GATAD2B: variants seen among roughly 807,000 people sequenced by gnomAD.
GATAD2B encodes the protein GATA zinc finger domain containing 2B.
A neutral mutation model predicts 64.3 loss-of-function variants in GATAD2B; 8 were observed. The ratio of observed to expected loss-of-function variants is 0.12; its 90% CI spans 0.07 to 0.22. The LOEUF is 0.22. Ranked by LOEUF, GATAD2B falls within the 10% of genes least tolerant of loss-of-function variation. The pLI is 1.00. For synonymous variants in GATAD2B, 281 were observed against 271.3 expected (o/e 1.04, Z -0.35); for missense variants, 453 against 752.0 (o/e 0.60, Z 4.65).
chr1:153,852,440 G>T, intron 1 of GATAD2B: 1 of 762,244 alleles, frequency 1.3e-6, no homozygotes, highest in Non-Finnish European at 2.4e-6. Context: ...CGTGGCATGT[G>T]GTCTGGAGCT....
At chr1:153,845,067 A>AT (rs1675635995) in intron 1 of GATAD2B, among the ~76,000 whole-genome samples, 1 of 152,218 alleles carries the variant, frequency 6.6e-6, no homozygotes, top group Admixed American at 6.5e-5. Context: ...ACTGCATTCC[A>AT]TATTTTCAAA....
chr1:153,905,665 C>G (rs908714670), intron 1 of GATAD2B, among the ~76,000 whole-genome samples: 2 of 150,972 alleles, frequency 1.3e-5, no homozygotes, highest in Non-Finnish European at 2.9e-5. Flanking sequence ...GGCATAGTGG[C>G]ACCTGCCTGT....
At chr1:153,873,299 A>C (rs1676725468) in intron 1 of GATAD2B, among the ~76,000 whole-genome samples, 1 of 152,136 alleles carries the variant, frequency 6.6e-6, no homozygotes, top group Non-Finnish European at 1.5e-5. Flanking sequence ...AAACTACTTG[A>C]CAGCAAATCT....
At chr1:153,893,954 C>T (rs1304137168) in intron 1 of GATAD2B, among the ~76,000 whole-genome samples, 1 of 37,448 alleles carries the variant, frequency 2.7e-5, no homozygotes, top group Non-Finnish European at 5.7e-5. Context: ...AAGACTCCAT[C>T]TAAAAAAAAA....
At chr1:153,844,795 G>A (rs1675623528) in intron 1 of GATAD2B, among the ~76,000 whole-genome samples, 1 of 149,590 alleles carries the variant, frequency 6.7e-6, no homozygotes, top group Non-Finnish European at 1.5e-5. Context: ...ATAGCATTGG[G>A]AGATATACCT....
intron 1 of GATAD2B, chr1:153,853,441 AC>A: frequency 1.7e-6 from 1 of 596,030 alleles, no homozygotes; most frequent in Non-Finnish European, 3.0e-6. Context: ...AAATCAACGG[AC>A]GGCAGTGAAG....
intron 1 of GATAD2B, among the ~76,000 whole-genome samples, chr1:153,881,848 C>T (rs1363800554): frequency 1.3e-5 from 2 of 151,730 alleles, no homozygotes; most frequent in Non-Finnish European, 2.9e-5. Context: ...TCTGTTCTAT[C>T]GTCTCTTTTC....
intron 1 of GATAD2B, among the ~76,000 whole-genome samples, chr1:153,876,227 C>CAAAAAAAAAAAAAAAAAAAAAAAAAA (rs71093296): frequency 4.1e-5 from 2 of 48,430 alleles, no homozygotes; most frequent in African/African-American, 8.1e-5. Flanking sequence ...GACTTCGTCT[C>CAAAAAAAAAAAAAAAAAAAAAAAAAA]AAAAAAAAAA....
chr1:153,830,945 A>G (rs1045930809), intron 1 of GATAD2B, among the ~76,000 whole-genome samples: 2 of 151,876 alleles, frequency 1.3e-5, no homozygotes, highest in Non-Finnish European at 2.9e-5. Context: ...CTAATTTTTT[A>G]GTTTTTTGTA....
chr1:153,897,610 C>T (rs1677634806), intron 1 of GATAD2B, among the ~76,000 whole-genome samples: 1 of 152,108 alleles, frequency 6.6e-6, no homozygotes, highest in Admixed American at 6.6e-5. Flanking sequence ...AAAGTCAAAA[C>T]TACATTATAT....
At chr1:153,917,448 G>A (rs1251755435) in intron 1 of GATAD2B, among the ~76,000 whole-genome samples, 2 of 149,208 alleles carry the variant, frequency 1.3e-5, no homozygotes, top group Admixed American at 6.8e-5. Context: ...AGGCTGGAGT[G>A]CAATGGTGCA....
chr1:153,824,880 T>TA (rs1177448623), intron 2 of GATAD2B, among the ~76,000 whole-genome samples: 2 of 152,074 alleles, frequency 1.3e-5, no homozygotes, highest in Non-Finnish European at 2.9e-5. Context: ...GTCCAGGAGT[T>TA]AGAGACCAGC....
chr1:153,847,978 T>C (rs1158337849), intron 1 of GATAD2B, among the ~76,000 whole-genome samples: 3 of 152,226 alleles, frequency 2.0e-5, no homozygotes, highest in African/African-American at 7.2e-5. Flanking sequence ...CAAACAAACA[T>C]ACTGATACCA....
rs770554041 is a variant in GATAD2B, at chr1:153,805,299, TCTC to T, written c.*4875_*4877del. On this transcript the variant is annotated 3_prime_UTR_variant, in exon 11 of 11. Transcript: ENST00000368655. ...GACAAAATGTGGGCTGTGTCTGCGCTCTCCTATTTTATCACCAAGATGGGGGAA... is the reference window on the plus strand; with the variant it reads ...GACAAAATGTGGGCTGTGTCTGCGCTCTATTTTATCACCAAGATGGGGGAA... The T allele has an allele frequency of 1.1e-4, 16 of 152,112 alleles. No homozygotes were observed. Among genetic ancestry groups the T allele is most frequent in the Non-Finnish European group, 2.1e-4 (14 of 68,028 alleles). The allele number at this position is 152,112 out of a possible 1,614,324, so 9.4% of individuals were successfully genotyped here.
At chr1:153,819,842 T>A in intron 2 of GATAD2B, 107 bp from the exon 3 acceptor site, 1 of 924,858 alleles carries the variant, frequency 1.1e-6, no homozygotes, top group Non-Finnish European at 1.6e-6. Flanking sequence ...CTCACTCCTG[T>A]AATCCTAGCA....
chr1:153,848,175 G>A (rs1675755214), intron 1 of GATAD2B, among the ~76,000 whole-genome samples: 1 of 152,092 alleles, frequency 6.6e-6, no homozygotes, highest in Non-Finnish European at 1.5e-5. Flanking sequence ...TCGTATTCCA[G>A]TCACTGCCCC....
chr1:153,817,673 G>A (rs913985725), intron 5 of GATAD2B, 131 bp from the exon 6 acceptor site: 11 of 601,218 alleles, frequency 1.8e-5, no homozygotes, highest in Non-Finnish European at 5.5e-6. Flanking sequence ...AGCCAGACTT[G>A]GTAATTTCAT....
chr1:153,868,548 T>C lies in GATAD2B; in HGVS notation c.-1-40200A>G, dbSNP rs148975440. 2.3e-3 allele frequency among the ~76,000 whole-genome samples: 353 copies of C among 152,234 alleles called. 5 individuals are homozygous for C. The highest frequency in any genetic ancestry group is 0.011 in the South Asian group (55 of 4,814). ...AAATTTAAAGTCTTTAATAAACTTA[T>C]GTTTTAAAACTAAGTTCTGAAATAA... is the stretch of plus-strand genomic sequence containing the variant. On this transcript the variant is annotated intron_variant, in intron 1 of 10. Transcript: ENST00000368655.
At chr1:153,859,870 CCTTT>C (rs1477703522) in intron 1 of GATAD2B, among the ~76,000 whole-genome samples, 3 of 145,340 alleles carry the variant, frequency 2.1e-5, no homozygotes, top group African/African-American at 5.1e-5. Context: ...GGCAATTTTT[CCTTT>C]CTTTGTGCTG....
Sources: allele counts gnomAD v4.1 joint callset (sites outside exome capture counted in the v4.1 genomes callset), GRCh38; gene constraint gnomAD v4.1.1; transcripts MANE v1.5; gene names NCBI Gene and HGNC (gene_info 2026-07-23, HGNC 2026-07-21).